The following ZNF462 variants were observed in gnomAD, a reference collection of about 807,000 sequenced individuals.
The protein encoded by ZNF462 is zinc finger protein 462.
In ZNF462, 10 loss-of-function variants were observed where a neutral mutation model predicts 201.9. That is an observed-to-expected ratio of 0.05 (90% CI 0.03 to 0.08). The LOEUF is 0.08. Ranked by LOEUF, ZNF462 falls within the 10% of genes least tolerant of loss-of-function variation. The probability of loss-of-function intolerance (pLI) is 1.00; values close to 1 mark genes in which losing one functional copy is unlikely to be tolerated. For synonymous variants in ZNF462, 1,227 were observed against 1,193.3 expected, an observed-to-expected ratio of 1.03 and a Z score of -0.58; for missense variants, 2,523 against 3,168.3, an observed-to-expected ratio of 0.80 and a Z score of 4.89.
At chr9:106,884,617 G>A (rs921732297) in intron 1 of ZNF462, among the ~76,000 whole-genome samples, 5 of 151,978 alleles carry the variant, frequency 3.3e-5, no homozygotes, top group Non-Finnish European at 7.4e-5. Context: ...CAGTTAAATT[G>A]GATGCAATTT....
chr9:106,927,204 T>TGCCCCCCCCCCCCCCCCCC lies in ZNF462; in HGVS notation c.3292_3293insGCCCCCCCCCCCCCCCCCC (p.Ser1098CysfsTer21). ...GTCTCCCAAAATGTCCAACATGGGTTCCCCACCCCCCCCACAACCCCCGCC... is the reference window on the plus strand; with the variant it reads ...GTCTCCCAAAATGTCCAACATGGGTTGCCCCCCCCCCCCCCCCCCCCCCACCCCCCCCACAACCCCCGCC... On this transcript the variant is annotated frameshift_variant, in exon 3 of 13. Transcript: ENST00000277225. LOFTEE classifies it high-confidence loss of function. 5.1e-6 allele frequency: 8 copies of TGCCCCCCCCCCCCCCCCCC among 1,570,464 alleles called. No homozygotes were observed. The highest frequency in any genetic ancestry group is 7.0e-6 in the Non-Finnish European group (8 of 1,149,840).
rs1305587608 is a variant in ZNF462 at position 106,865,416 on chromosome 9, A to G, written c.-31+2061A>G. ...TTTTGAGTTCTAGGGTTTGGTTATC[A>G]TCATGTTTTGATGCATTGCAAGACT... On this transcript the variant is annotated intron_variant, in intron 1 of 12. Coordinates refer to ENST00000277225, the MANE Select transcript of ZNF462 (RefSeq NM_021224.6). This position sits in a 1 kb window ranked among gnomAD's most constrained non-coding sequence, Gnocchi z 4.1. Among the ~76,000 whole-genome samples the G allele has an allele frequency of 3.9e-5, 6 of 152,194 alleles. No individual in the cohort carries two copies. The highest frequency in any genetic ancestry group is 1.4e-4 in the African/African-American group (6 of 41,454).
At chr9:106,879,332 ACCCCC>A (rs796290122) in intron 1 of ZNF462, among the ~76,000 whole-genome samples, 1 of 70,632 alleles carries the variant, frequency 1.4e-5, no homozygotes, top group East Asian at 5.9e-4. Context: ...GATGCTTTCC[ACCCCC>A]CCCCCCACCC....
rs1189232193 is a variant in ZNF462, at chr9:106,870,301, G to GT, written c.-31+6954dup. The stretch of plus-strand genomic sequence containing the variant: ...TTCTTGAGTTATTCTTGGAGGGAAG[G>GT]TTTTTTTTGTGTGCCAGGTCATGGG... On this transcript the variant is annotated intron_variant, in intron 1 of 12. Coordinates refer to ENST00000277225, the MANE Select transcript of ZNF462 (RefSeq NM_021224.6). This position sits in a 1 kb window ranked among gnomAD's most constrained non-coding sequence, Gnocchi z 4.3. Among the ~76,000 whole-genome samples the GT allele has an allele frequency of 1.3e-5, 2 of 151,778 alleles. No homozygotes were observed. Among genetic ancestry groups the GT allele is most frequent in the Non-Finnish European group, 2.9e-5 (2 of 67,956 alleles).
At position 106,925,921 on chromosome 9, in the gene ZNF462, A is replaced by C; in HGVS notation, c.2009A>C (p.Asn670Thr). The C allele has an allele frequency of 1.2e-6, 2 of 1,614,178 alleles. No individual in the cohort carries two copies. Among genetic ancestry groups the C allele is most frequent in the Middle Eastern group, 1.6e-4 (1 of 6,062 alleles). Residue 670 changes from asparagine (N) to threonine (T), a missense_variant, in exon 3 of 13, where the codon AAT (asparagine) becomes ACT (threonine). Transcript: ENST00000277225. This position sits in a 1 kb window ranked among gnomAD's most constrained non-coding sequence, Gnocchi z 7.9. Reference sequence around the variant, plus strand: ...ATTCTTGGGTTGTCCTCCAAGAACAATTTTGTAGCTAAAGCCTCTAGGAAG... The same window carrying C: ...ATTCTTGGGTTGTCCTCCAAGAACACTTTTGTAGCTAAAGCCTCTAGGAAG... ...TSILGLSSKNNFVAKASRKLA... is the reference protein window; with the variant it reads ...TSILGLSSKNTFVAKASRKLA...
chr9:106,987,101 A>G (rs985192539), intron 10 of ZNF462, among the ~76,000 whole-genome samples: 31 of 152,044 alleles, frequency 2.0e-4, no homozygotes, highest in African/African-American at 6.0e-4. Flanking sequence ...TGATTTTGCA[A>G]TTGTGAATTG....
chr9:107,010,966 TA>T lies in ZNF462; in HGVS notation c.7458del (p.Ala2487ProfsTer4), dbSNP rs1829900430. On this transcript the variant is annotated frameshift_variant, in exon 13 of 13. Transcript: ENST00000277225. LOFTEE classifies it high-confidence loss of function. This position sits in a 1 kb window ranked among gnomAD's most constrained non-coding sequence, Gnocchi z 4.6. ...GACTTTTCCCTAAAGAATGAAACAG[TA>T]GCCATCTGTGTAGTAACTGCCGACA... is the stretch of plus-strand genomic sequence containing the variant. The part of the protein sequence containing the change: ...GIDFSLKNET[V>X]AICVVTADKS... The T allele has an allele frequency of 1.9e-6, 3 of 1,613,734 alleles. No homozygotes were observed. Among genetic ancestry groups the T allele is most frequent in the Non-Finnish European group, 1.7e-6 (2 of 1,179,882 alleles).
intron 7 of ZNF462, among the ~76,000 whole-genome samples, chr9:106,949,268 C>T (rs1159343199): frequency 2.0e-5 from 3 of 152,160 alleles, no homozygotes; most frequent in African/African-American, 7.2e-5. Flanking sequence ...GGACCATTTC[C>T]TATTCATTTC....
chr9:106,914,313 G>A (rs1829678844), intron 1 of ZNF462, among the ~76,000 whole-genome samples: 1 of 152,122 alleles, frequency 6.6e-6, no homozygotes, highest in Admixed American at 6.5e-5. Flanking sequence ...ATTGACATTT[G>A]GAGCTAGATA....
At chr9:106,891,410 C>T (rs763003603) in intron 1 of ZNF462, among the ~76,000 whole-genome samples, 36 of 151,648 alleles carry the variant, frequency 2.4e-4, no homozygotes, top group Non-Finnish European at 3.8e-4. Context: ...ATCTTGTTGG[C>T]GGAGACATAC....
Position 106,984,092 on chromosome 9 carries a change from A to C in ZNF462, c.6833-94A>C, listed in dbSNP as rs2132263816. On this transcript the variant is annotated intron_variant, in intron 9 of 12. Coordinates refer to ENST00000277225, the MANE Select transcript of ZNF462 (RefSeq NM_021224.6). This position sits in a 1 kb window ranked among gnomAD's most constrained non-coding sequence, Gnocchi z 6.4. ...GGAACCAGATCCACGAGGAGCAGCAAGATTGGGTGAGTTTCTTCTTGTATT... is the reference window on the plus strand; with the variant it reads ...GGAACCAGATCCACGAGGAGCAGCACGATTGGGTGAGTTTCTTCTTGTATT... 8.4e-7 allele frequency: 1 copy of C among 1,190,038 alleles called. No homozygotes were observed. The highest frequency in any genetic ancestry group is 2.3e-5 in the East Asian group (1 of 42,570). 73.7% of individuals were successfully genotyped at this position (1,190,038 alleles called of 1,614,324 possible).
chr9:106,938,021 A>G lies in ZNF462; in HGVS notation c.6236-895A>G, dbSNP rs1277441401. 6.6e-6 allele frequency among the ~76,000 whole-genome samples: 1 copy of G among 152,228 alleles called. No individual in the cohort carries two copies. The highest frequency in any genetic ancestry group is 2.4e-5 in the African/African-American group (1 of 41,470). On this transcript the variant is annotated intron_variant, in intron 6 of 12. Transcript: ENST00000277225. The surrounding 1 kb of genome is among the most constrained non-coding windows in gnomAD (Gnocchi z 4.4). ...CTTTCTGAATTGATCTTACCAGTGT[A>G]TATATGTCCAACAATTTAAGCCTGC...
At chr9:106,912,022 G>A (rs1829570588) in intron 1 of ZNF462, among the ~76,000 whole-genome samples, 1 of 152,168 alleles carries the variant, frequency 6.6e-6, no homozygotes, top group South Asian at 2.1e-4. Context: ...TTCACTAGAT[G>A]TTCCACAAAG....
rs571859166 is a variant in ZNF462 at position 107,008,807 on chromosome 9, C to T, written c.7190-738C>T. Among the ~76,000 whole-genome samples, 2 of 152,294 alleles carry T rather than the reference C, an allele frequency of 1.3e-5. No homozygotes were observed. Among genetic ancestry groups the T allele is most frequent in the African/African-American group, 4.8e-5 (2 of 41,564 alleles). ...GTCAATATTTGATGTTTACAACAGA[C>T]CGTCCAGAAATGTCTGCATATCCCC... On this transcript the variant is annotated intron_variant, in intron 11 of 12. Transcript: ENST00000277225. This position sits in a 1 kb window ranked among gnomAD's most constrained non-coding sequence, Gnocchi z 4.8.
rs1361193966 is a variant in ZNF462, at chr9:106,925,490, T to C, written c.1578T>C (p.Asn526=). The change falls in exon 3 of 13, where the codon AAT becomes AAC. Residue 526 remains asparagine (N), a synonymous_variant. Coordinates refer to ENST00000277225, the MANE Select transcript of ZNF462 (RefSeq NM_021224.6). This position sits in a 1 kb window ranked among gnomAD's most constrained non-coding sequence, Gnocchi z 7.9. ...TGTCTTATGAGAGCTCAAGCATCAA[T>C]GGTAGAAAGTCAGGAGTCATGTTGG... ...GVVSYESSSI[N]GRKSGVMLDP... 1.2e-6 allele frequency: 2 copies of C among 1,614,086 alleles called. No homozygotes were observed. The highest frequency in any genetic ancestry group is 2.2e-5 in the East Asian group (1 of 44,878).
rs746502284 is a variant in ZNF462, at chr9:106,924,874, G to A, written c.962G>A (p.Arg321Lys). ...CCCAATACTACCGTCTCCAACTTCA[G>A]GGGCTCCATGGGCAACTCCATCATG... ...EIPNTTVSNF[R>K]GSMGNSIMRP... Residue 321 changes from arginine (R) to lysine (K), a missense_variant, in exon 3 of 13, where the codon AGG (arginine) becomes AAG (lysine). Coordinates refer to ENST00000277225, the MANE Select transcript of ZNF462 (RefSeq NM_021224.6). This position sits in a 1 kb window ranked among gnomAD's most constrained non-coding sequence, Gnocchi z 6.2. 1 of 1,614,176 alleles carries A rather than the reference G, an allele frequency of 6.2e-7. No individual in the cohort carries two copies. Among genetic ancestry groups the A allele is most frequent in the Non-Finnish European group, 8.5e-7 (1 of 1,180,020 alleles).
At position 106,978,362 on chromosome 9, in the gene ZNF462, T is replaced by C. The variant is rs558016635; in HGVS notation, c.6832+4089T>C. 7.2e-5 allele frequency among the ~76,000 whole-genome samples: 11 copies of C among 151,752 alleles called. No homozygotes were observed. The South Asian group carries it at 2.3e-3, about 31-fold the overall frequency. On this transcript the variant is annotated intron_variant, in intron 9 of 12. Coordinates refer to ENST00000277225, the MANE Select transcript of ZNF462 (RefSeq NM_021224.6). The surrounding 1 kb of genome is among the most constrained non-coding windows in gnomAD (Gnocchi z 4.1). Reference sequence around the variant, plus strand: ...TAGGAAGCATACCAGAGAAGTATGTTCTGGCCAAAGTATGAAGCGCCTGGA... The same window carrying C: ...TAGGAAGCATACCAGAGAAGTATGTCCTGGCCAAAGTATGAAGCGCCTGGA...
intron 1 of ZNF462, among the ~76,000 whole-genome samples, chr9:106,922,917 A>G (rs1830044507): frequency 1.3e-5 from 2 of 152,164 alleles, no homozygotes; most frequent in Admixed American, 1.3e-4. Context: ...ACAGCTAATG[A>G]AGGTTGAAAT....
At position 106,934,996 on chromosome 9, in the gene ZNF462, C is replaced by A. The variant is rs905753006; in HGVS notation, c.6117-507C>A. ...AGACAGCCCATTGCAAGAAGGTCAG[C>A]CACTTCGAAACCTCCCTTCCTCACT... On this transcript the variant is annotated intron_variant, in intron 5 of 12. Transcript: ENST00000277225. 2.0e-5 allele frequency among the ~76,000 whole-genome samples: 3 copies of A among 152,224 alleles called. 1 individual carries two copies. The South Asian group carries it at 6.2e-4, about 32-fold the overall frequency.
Sources: allele counts gnomAD v4.1 joint callset (sites outside exome capture counted in the v4.1 genomes callset), GRCh38; gene constraint gnomAD v4.1.1; non-coding constraint Gnocchi (gnomAD v3.1); transcripts MANE v1.5; gene names NCBI Gene and HGNC (gene_info 2026-07-23, HGNC 2026-07-21).